Variants in LINGO2 observed in about 807,000 individuals in gnomAD.
The protein encoded by LINGO2 is leucine-rich repeat and immunoglobulin-like domain-containing nogo receptor-interacting protein 2.
LINGO2 carries 14 observed loss-of-function variants against 30.6 expected under a neutral mutation model. The observed-to-expected ratio is 0.46, with a 90% confidence interval of 0.30 to 0.72. The LOEUF (loss-of-function observed/expected upper bound fraction) is 0.72. LINGO2 is among the 30% of genes least tolerant of loss of function. The pLI, the probability that LINGO2 is intolerant of heterozygous loss-of-function variation, is 0.07. For synonymous variants in LINGO2, 317 were observed against 288.5 expected (o/e 1.10, Z -1.00); for missense variants, 729 against 751.7 (o/e 0.97, Z 0.35).
intron 1 of LINGO2, among the ~76,000 whole-genome samples, chr9:28,512,751 C>G: frequency 6.7e-6 from 1 of 150,278 alleles, no homozygotes; most frequent in South Asian, 2.1e-4. Context: ...AATAGGTTGT[C>G]TTCAAGCTGA....
chr9:28,536,450 C>A (rs964314391), intron 1 of LINGO2, among the ~76,000 whole-genome samples: 1 of 151,950 alleles, frequency 6.6e-6, no homozygotes, highest in Admixed American at 6.6e-5. Flanking sequence ...ATATAGCTGC[C>A]ATTGTACATC....
At chr9:28,768,369 G>A in the LINGO2 span, among the ~76,000 whole-genome samples, 1 of 152,032 alleles carries the variant, frequency 6.6e-6, no homozygotes, top group African/African-American at 2.4e-5. Flanking sequence ...TCTTCAAGTT[G>A]GTTCCTGACT....
Position 28,256,746 on chromosome 9 carries a change from T to G in LINGO2, c.-87+38462A>C, listed in dbSNP as rs189586549. On this transcript the variant is annotated intron_variant, in intron 4 of 5. Transcript: ENST00000379992. ...AAAATAAAAACAAAGTAAAAGAATC[T>G]TCATTGTTTTAGGCTAATTAAAGCA... is the stretch of plus-strand genomic sequence containing the variant. 2.4e-3 allele frequency among the ~76,000 whole-genome samples: 362 copies of G among 152,002 alleles called. 8 individuals carry two copies. The highest frequency in any genetic ancestry group is 2.4e-3 in the Non-Finnish European group (160 of 67,870).
At chr9:28,077,412 C>A (rs7026197) in intron 4 of LINGO2, among the ~76,000 whole-genome samples, 1 of 152,026 alleles carries the variant, frequency 6.6e-6, no homozygotes, top group Non-Finnish European at 1.5e-5. Flanking sequence ...GCAAAGGATA[C>A]GGGTTGGACA....
the LINGO2 span, among the ~76,000 whole-genome samples, chr9:28,905,392 T>A: frequency 6.6e-6 from 1 of 151,376 alleles, no homozygotes; most frequent in Non-Finnish European, 1.5e-5. Flanking sequence ...TTGCAAACTA[T>A]ACTCTGATAA....
chr9:29,124,446 A>C, the LINGO2 span, among the ~76,000 whole-genome samples: 3 of 152,330 alleles, frequency 2.0e-5, no homozygotes, highest in African/African-American at 7.2e-5. Context: ...TCTGCACAGC[A>C]AAAGAAACTA....
intron 4 of LINGO2, among the ~76,000 whole-genome samples, chr9:28,052,828 G>A (rs558691493): frequency 4.1e-4 from 62 of 152,014 alleles, no homozygotes; most frequent in Non-Finnish European, 8.1e-4. Context: ...TTTCTTACAA[G>A]GGAAGTAATC....
chr9:28,587,709 G>A (rs1056958164), intron 1 of LINGO2, among the ~76,000 whole-genome samples: 3 of 151,806 alleles, frequency 2.0e-5, no homozygotes, highest in Non-Finnish European at 4.4e-5. Flanking sequence ...ACGTAGGCCA[G>A]GAGAGGGAAT....
intron 3 of LINGO2, among the ~76,000 whole-genome samples, chr9:28,359,779 C>A (rs534882603): frequency 1.6e-4 from 24 of 152,120 alleles, no homozygotes; most frequent in Non-Finnish European, 2.9e-4. Flanking sequence ...CTGCTTAATG[C>A]GTAACACTTT....
chr9:28,684,563 CA>C, the LINGO2 span, among the ~76,000 whole-genome samples: 1 of 150,480 alleles, frequency 6.6e-6, no homozygotes, highest in Non-Finnish European at 1.5e-5. Context: ...GAGCTCACTG[CA>C]ACCTCTGCCT....
intron 1 of LINGO2, among the ~76,000 whole-genome samples, chr9:28,665,710 A>G (rs1203481457): frequency 6.6e-6 from 1 of 152,200 alleles, no homozygotes. Flanking sequence ...AGCTTTTAAT[A>G]GCCTTGTTTA....
At chr9:27,993,547 A>T (rs111484450) in intron 5 of LINGO2, among the ~76,000 whole-genome samples, 22 of 152,226 alleles carry the variant, frequency 1.4e-4, no homozygotes, top group South Asian at 2.1e-4. Context: ...CCTGTCACAT[A>T]CACAAAAAAG....
chr9:28,609,659 C>T (rs762900829), intron 1 of LINGO2, among the ~76,000 whole-genome samples: 1 of 152,000 alleles, frequency 6.6e-6, no homozygotes, highest in Non-Finnish European at 1.5e-5. Context: ...CAATCTCATA[C>T]ATTGATTACA....
At chr9:28,062,575 ACAAT>A (rs1477313144) in intron 4 of LINGO2, among the ~76,000 whole-genome samples, 36 of 146,740 alleles carry the variant, frequency 2.5e-4, no homozygotes, top group African/African-American at 4.5e-4. Context: ...GTATATATAC[ACAAT>A]CAAATATATA....
At chr9:28,943,836 T>C in the LINGO2 span, among the ~76,000 whole-genome samples, 3 of 152,174 alleles carry the variant, frequency 2.0e-5, no homozygotes, top group African/African-American at 7.2e-5. Context: ...GTATAATATC[T>C]AGGCAATCAC....
At chr9:29,130,085 T>A in the LINGO2 span, among the ~76,000 whole-genome samples, 1 of 152,168 alleles carries the variant, frequency 6.6e-6, no homozygotes, top group African/African-American at 2.4e-5. Context: ...AGTGGTGGAA[T>A]GTTTCTCAAA....
chr9:28,482,085 T>G (rs7468545), intron 1 of LINGO2, among the ~76,000 whole-genome samples: 1 of 151,968 alleles, frequency 6.6e-6, no homozygotes, highest in Non-Finnish European at 1.5e-5. Flanking sequence ...AATAAACATA[T>G]GTGTGCATGT....
chr9:28,164,623 C>A (rs1053771406), intron 4 of LINGO2, among the ~76,000 whole-genome samples: 10 of 152,098 alleles, frequency 6.6e-5, no homozygotes, highest in Non-Finnish European at 1.3e-4. Flanking sequence ...ACAAAGGAAG[C>A]AAAGGTCACC....
intron 5 of LINGO2, among the ~76,000 whole-genome samples, chr9:27,954,348 T>C (rs1379966868): frequency 6.6e-6 from 1 of 152,178 alleles, no homozygotes; most frequent in Admixed American, 6.5e-5. Flanking sequence ...CCTCCCTTGA[T>C]CTTGGCCACA....
Sources: gnomAD v4.1 joint callset for allele counts (sites outside exome capture counted in the v4.1 genomes callset) on GRCh38, gnomAD v4.1.1 for gene constraint, MANE v1.5 for transcripts, NCBI Gene and HGNC (gene_info 2026-07-23, HGNC 2026-07-21) for gene names.